Variants in SLC5A4 observed in about 807,000 individuals in gnomAD.
The protein encoded by SLC5A4 is solute carrier family 5 member 4.
Under a neutral mutation model 70.3 loss-of-function variants are expected in SLC5A4, and 55 were observed. The observed-to-expected ratio is 0.78, with a 90% CI of 0.63 to 0.98. SLC5A4 has a LOEUF of 0.98. SLC5A4 is among the 50% of genes least tolerant of loss of function. The probability of loss-of-function intolerance (pLI) is 0.00; values close to 1 mark genes in which losing one functional copy is unlikely to be tolerated. For missense variants in SLC5A4, 735 were observed against 839.2 expected (o/e 0.88, Z 1.53); for synonymous variants, 268 against 305.7 (o/e 0.88, Z 1.29).
the SLC5A4 span, among the ~76,000 whole-genome samples, chr22:32,336,131 G>A: frequency 1.3e-5 from 2 of 151,738 alleles, no homozygotes; most frequent in African/African-American, 4.9e-5. Context: ...TGGGAGCTGG[G>A]CCCATTAAGG....
the SLC5A4 span, among the ~76,000 whole-genome samples, chr22:32,351,297 C>G: frequency 2.0e-5 from 3 of 152,154 alleles, no homozygotes; most frequent in African/African-American, 7.2e-5. Context: ...CCCCAAATAA[C>G]TACTTACAAC....
chr22:32,334,298 C>T, the SLC5A4 span, among the ~76,000 whole-genome samples: 3 of 152,154 alleles, frequency 2.0e-5, no homozygotes, highest in Non-Finnish European at 2.9e-5. Flanking sequence ...TAACAATGCA[C>T]GACCCTGTGC....
chr22:32,304,381 T>C, the SLC5A4 span, among the ~76,000 whole-genome samples: 1 of 152,188 alleles, frequency 6.6e-6, no homozygotes, highest in African/African-American at 2.4e-5. Context: ...CCTCAGGTGA[T>C]CCACCCGCCT....
chr22:32,306,269 T>C, the SLC5A4 span, among the ~76,000 whole-genome samples: 1 of 151,946 alleles, frequency 6.6e-6, no homozygotes, highest in South Asian at 2.1e-4. Context: ...ATCGAGACCA[T>C]CCTAGCTAAC....
chr22:32,291,865 T>G, the SLC5A4 span, among the ~76,000 whole-genome samples: 4 of 115,836 alleles, frequency 3.5e-5, no homozygotes, highest in Admixed American at 3.9e-4. Flanking sequence ...TATAATTTAT[T>G]TTTCTTTTCT....
At chr22:32,242,453 T>C (rs1181394202) in intron 5 of SLC5A4, among the ~76,000 whole-genome samples, 2 of 152,198 alleles carry the variant, frequency 1.3e-5, no homozygotes, top group Non-Finnish European at 2.9e-5. Context: ...CTCATGCCTG[T>C]AATCCCAGCA....
At chr22:32,344,691 A>G in the SLC5A4 span, among the ~76,000 whole-genome samples, 1 of 152,224 alleles carries the variant, frequency 6.6e-6, no homozygotes, top group Non-Finnish European at 1.5e-5. Context: ...TCATGCAGAC[A>G]TGAAGCTTCC....
Position 32,225,761 on chromosome 22 carries a change from T to C in SLC5A4, c.1343A>G (p.Gln448Arg), listed in dbSNP as rs781404708. The change falls in exon 12 of 15, where the codon CAA (glutamine) becomes CGA (arginine). Residue 448 changes from glutamine (Q) to arginine (R), a missense_variant. Transcript: ENST00000266086. ...IVWVPLVQVSQNGQLIHYTES... is the reference protein window; with the variant it reads ...IVWVPLVQVSRNGQLIHYTES... Reference sequence around the variant, plus strand: ...TGTGTAATGGATTAGTTGTCCATTTTGAGAAACTTGTACCAGTGGGACCCA... The same window carrying C: ...TGTGTAATGGATTAGTTGTCCATTTCGAGAAACTTGTACCAGTGGGACCCA... 20 of 1,612,148 alleles carry C rather than the reference T, an allele frequency of 1.2e-5. No individual in the cohort carries two copies. Among genetic ancestry groups the C allele is most frequent in the African/African-American group, 4.0e-5 (3 of 74,880 alleles).
chr22:32,292,077 T>C, the SLC5A4 span, among the ~76,000 whole-genome samples: 1 of 138,784 alleles, frequency 7.2e-6, no homozygotes, highest in African/African-American at 2.7e-5. Flanking sequence ...TTTTAGTATA[T>C]ATATATAACA....
chr22:32,303,756 A>G, the SLC5A4 span, among the ~76,000 whole-genome samples: 1 of 152,254 alleles, frequency 6.6e-6, no homozygotes, highest in Admixed American at 6.5e-5. Flanking sequence ...GAATAAAGCT[A>G]TAAACACCCA....
At chr22:32,235,347 A>G (rs1184763773) in intron 7 of SLC5A4, among the ~76,000 whole-genome samples, 1 of 152,126 alleles carries the variant, frequency 6.6e-6, no homozygotes, top group African/African-American at 2.4e-5. Flanking sequence ...ATTTTAAGTT[A>G]GTGTTTCTTT....
At chr22:32,321,938 C>T in the SLC5A4 span, among the ~76,000 whole-genome samples, 5 of 152,234 alleles carry the variant, frequency 3.3e-5, no homozygotes, top group Admixed American at 3.3e-4. Context: ...GTGAGAAATA[C>T]TATACATGAC....
the SLC5A4 span, chr22:32,270,137 C>T: frequency 2.5e-5 from 15 of 593,530 alleles, no homozygotes; most frequent in Middle Eastern, 6.2e-4. Context: ...ACGACATGGA[C>T]GAGATTGAAG....
chr22:32,224,077 C>T (rs1332019581), intron 13 of SLC5A4, among the ~76,000 whole-genome samples, 190 bp downstream of exon 13: 1 of 152,158 alleles, frequency 6.6e-6, no homozygotes, highest in African/African-American at 2.4e-5. Flanking sequence ...CCCACCACCA[C>T]ACCCAGCTAA....
the SLC5A4 span, among the ~76,000 whole-genome samples, chr22:32,311,857 G>A: frequency 0.17 from 25,918 of 152,168 alleles, 2,672 homozygotes; most frequent in Admixed American, 0.23. Context: ...GCATTGTGCA[G>A]GGTGTGCCCT....
At chr22:32,302,691 T>G in the SLC5A4 span, among the ~76,000 whole-genome samples, 1 of 152,224 alleles carries the variant, frequency 6.6e-6, no homozygotes, top group African/African-American at 2.4e-5. Context: ...TGTCTGTCCT[T>G]CTAACAAAAC....
chr22:32,231,772 C>G (rs1925780609), intron 9 of SLC5A4, among the ~76,000 whole-genome samples: 1 of 152,166 alleles, frequency 6.6e-6, no homozygotes. Context: ...CATTTAATAT[C>G]ATAACCTCAG....
At chr22:32,290,538 TTGGATA>T in the SLC5A4 span, among the ~76,000 whole-genome samples, 2 of 152,226 alleles carry the variant, frequency 1.3e-5, no homozygotes, top group African/African-American at 4.8e-5. Context: ...TTCAAATGCT[TTGGATA>T]TGATTTTTTC....
At chr22:32,308,719 A>G in the SLC5A4 span, among the ~76,000 whole-genome samples, 1 of 152,088 alleles carries the variant, frequency 6.6e-6, no homozygotes, top group Admixed American at 6.5e-5. Flanking sequence ...TGCTTTCTAG[A>G]GCATTGGAGA....
Sources: allele counts gnomAD v4.1 joint callset (sites outside exome capture counted in the v4.1 genomes callset), GRCh38; gene constraint gnomAD v4.1.1; transcripts MANE v1.5; gene names NCBI Gene and HGNC (gene_info 2026-07-23, HGNC 2026-07-21).